NREP: variants seen among roughly 807,000 people sequenced by gnomAD.
The protein encoded by NREP is neuronal regeneration-related protein.
Under a neutral mutation model 8.6 loss-of-function variants are expected in NREP, and 5 were observed. The observed-to-expected ratio is 0.58, with a 90% confidence interval of 0.30 to 1.22. The LOEUF (loss-of-function observed/expected upper bound fraction) is 1.22, where lower values mean the gene tolerates loss of function less well. Among genes scored for constraint, NREP ranks in the 50% most tolerant of loss-of-function variants. NREP has a pLI of 0.07. For synonymous variants in NREP, 27 were observed against 28.0 expected (o/e 0.96, Z 0.11); for missense variants, 86 against 82.5 (o/e 1.04, Z -0.17).
intron 2 of NREP, among the ~76,000 whole-genome samples, chr5:111,839,970 A>G (rs764763176): frequency 1.5e-4 from 23 of 152,116 alleles, no homozygotes; most frequent in Non-Finnish European, 3.2e-4. Flanking sequence ...CCATCAACGC[A>G]TCCAAATTGC....
chr5:111,799,932 T>G (rs1380373109), intron 2 of NREP, among the ~76,000 whole-genome samples: 1 of 152,130 alleles, frequency 6.6e-6, no homozygotes, highest in Admixed American at 6.5e-5. Context: ...TAATTTTTGT[T>G]TTTTTGAGAT....
intron 2 of NREP, among the ~76,000 whole-genome samples, chr5:111,959,579 A>G (rs1756426467): frequency 6.6e-6 from 1 of 152,044 alleles, no homozygotes; most frequent in African/African-American, 2.4e-5. Flanking sequence ...TTTTTGTAAA[A>G]CTTCAGAAAA....
intron 2 of NREP, among the ~76,000 whole-genome samples, chr5:111,858,119 A>C (rs368016207): frequency 6.6e-6 from 1 of 152,146 alleles, no homozygotes; most frequent in African/African-American, 2.4e-5. Context: ...GTTGCCGGGA[A>C]CTTGATAGAA....
At chr5:111,901,873 A>C (rs1297586071) in intron 2 of NREP, among the ~76,000 whole-genome samples, 1 of 152,166 alleles carries the variant, frequency 6.6e-6, no homozygotes, top group Non-Finnish European at 1.5e-5. Flanking sequence ...CGACTGTACT[A>C]CTCAAAGCAA....
intron 2 of NREP, among the ~76,000 whole-genome samples, chr5:111,768,320 A>G (rs892349201): frequency 2.0e-5 from 3 of 152,164 alleles, no homozygotes; most frequent in Non-Finnish European, 4.4e-5. Flanking sequence ...TTTTGGAAGC[A>G]CATCTTGCTT....
chr5:111,894,223 A>C (rs1754457028), intron 2 of NREP, among the ~76,000 whole-genome samples: 1 of 152,050 alleles, frequency 6.6e-6, no homozygotes, highest in South Asian at 2.1e-4. Context: ...CGTCTCAAAT[A>C]AAATAAAAAT....
chr5:111,929,842 G>A (rs1755488504), intron 2 of NREP, among the ~76,000 whole-genome samples: 1 of 152,164 alleles, frequency 6.6e-6, no homozygotes, highest in South Asian at 2.1e-4. Flanking sequence ...TTGAATGGAT[G>A]AATGAAAACC....
chr5:111,949,212 A>G (rs1274555842), intron 2 of NREP, among the ~76,000 whole-genome samples: 1 of 152,068 alleles, frequency 6.6e-6, no homozygotes, highest in East Asian at 1.9e-4. Flanking sequence ...CATGTTAAAT[A>G]TGCTATAAAA....
chr5:111,751,621 C>G (rs1445829270), intron 2 of NREP, among the ~76,000 whole-genome samples: 1 of 152,100 alleles, frequency 6.6e-6, no homozygotes, highest in African/African-American at 2.4e-5. Context: ...ATGACATAAT[C>G]CAAGTACATT....
chr5:111,788,637 T>A (rs1462346594), intron 2 of NREP, among the ~76,000 whole-genome samples: 1 of 152,196 alleles, frequency 6.6e-6, no homozygotes, highest in African/African-American at 2.4e-5. Flanking sequence ...TGAATTTGAT[T>A]TGAATCTCAA....
intron 2 of NREP, among the ~76,000 whole-genome samples, chr5:111,934,300 T>C (rs776309524): frequency 6.6e-6 from 1 of 152,026 alleles, no homozygotes; most frequent in African/African-American, 2.4e-5. Flanking sequence ...GATTTCTGAC[T>C]CTTATGCTTC....
upstream of NREP, among the ~76,000 whole-genome samples, chr5:111,759,349 T>C (rs918617809): frequency 2.0e-5 from 3 of 152,204 alleles, no homozygotes. Flanking sequence ...ACAGGGACTT[T>C]AACGTTTATG....
intron 2 of NREP, among the ~76,000 whole-genome samples, chr5:111,962,471 T>C (rs754724164): frequency 1.7e-4 from 26 of 152,150 alleles, no homozygotes; most frequent in Non-Finnish European, 3.8e-4. Flanking sequence ...CCCTAAACTG[T>C]GCATCTAAAT....
At chr5:111,895,960 A>G (rs1353858447) in intron 2 of NREP, among the ~76,000 whole-genome samples, 3 of 152,202 alleles carry the variant, frequency 2.0e-5, no homozygotes, top group Non-Finnish European at 2.9e-5. Context: ...GTTCCAGCAC[A>G]TCCTGAATGA....
intron 2 of NREP, among the ~76,000 whole-genome samples, chr5:111,963,115 A>G (rs1269057109): frequency 5.3e-5 from 8 of 152,272 alleles, no homozygotes; most frequent in Admixed American, 5.2e-4. Flanking sequence ...ATGGCTGTCC[A>G]CAGACAGCAG....
chr5:111,838,415 T>C (rs370464305), intron 2 of NREP, among the ~76,000 whole-genome samples: 9 of 152,284 alleles, frequency 5.9e-5, no homozygotes, highest in African/African-American at 1.9e-4. Context: ...TACATCCTTA[T>C]TCAACCAAAC....
At chr5:111,809,231 A>G (rs993944955) in intron 2 of NREP, among the ~76,000 whole-genome samples, 6 of 152,192 alleles carry the variant, frequency 3.9e-5, no homozygotes, top group African/African-American at 1.4e-4. Context: ...TTAGATTTAT[A>G]TGACTCTGAA....
chr5:111,921,729 C>T (rs1755245780), intron 2 of NREP, among the ~76,000 whole-genome samples: 1 of 152,070 alleles, frequency 6.6e-6, no homozygotes, highest in Non-Finnish European at 1.5e-5. Flanking sequence ...TGGCTGTGTC[C>T]CCATTCAAAT....
intron 2 of NREP, among the ~76,000 whole-genome samples, chr5:111,817,149 T>C (rs1378039266): frequency 6.6e-6 from 1 of 152,216 alleles, no homozygotes; most frequent in Non-Finnish European, 1.5e-5. Context: ...GCCATCTTGC[T>C]AAATTGACTT....
Sources: allele counts gnomAD v4.1 joint callset (sites outside exome capture counted in the v4.1 genomes callset), GRCh38; gene constraint gnomAD v4.1.1; transcripts MANE v1.5; gene names NCBI Gene and HGNC (gene_info 2026-07-23, HGNC 2026-07-21).